LRP10: variants seen among roughly 807,000 people sequenced by gnomAD.
LRP10 encodes low-density lipoprotein receptor-related protein 10.
A neutral mutation model predicts 58.5 loss-of-function variants in LRP10; 42 were observed. That is an observed-to-expected ratio of 0.72 (90% confidence interval 0.56 to 0.93). The LOEUF is 0.93. Ranked by LOEUF, LRP10 falls within the 40% of genes least tolerant of loss-of-function variation. The probability of loss-of-function intolerance (pLI) is 0.00; values close to 1 mark genes in which losing one functional copy is unlikely to be tolerated. For synonymous variants in LRP10, 377 were observed against 388.5 expected (o/e 0.97, Z 0.35); for missense variants, 872 against 940.1 (o/e 0.93, Z 0.95).
At position 22,877,834 on chromosome 14, in the gene LRP10, G is replaced by T. The variant is rs1443825022; in HGVS notation, c.*307G>T. ...TTTTTAAAAAGTAAAGTTCTTAGAG[G>T]ATCATAGGTCTGGACACTCCATCCT... is the stretch of plus-strand genomic sequence containing the variant. On this transcript the variant is annotated 3_prime_UTR_variant, in exon 7 of 7. Coordinates refer to ENST00000359591, the MANE Select transcript of LRP10 (RefSeq NM_014045.5). The surrounding 1 kb of genome is among the most constrained non-coding windows in gnomAD (Gnocchi z 5.1). The T allele has an allele frequency of 7.6e-6, 2 of 264,648 alleles. No individual in the cohort carries two copies. Among genetic ancestry groups the T allele is most frequent in the East Asian group, 1.5e-4 (2 of 13,554 alleles). 16.4% of individuals were successfully genotyped at this position (264,648 alleles called of 1,614,324 possible).
chr14:22,875,060 A>G lies in LRP10; in HGVS notation c.221A>G (p.Gln74Arg), dbSNP rs781765643. 1.9e-6 allele frequency: 3 copies of G among 1,566,500 alleles called. No homozygotes were observed. The highest frequency in any genetic ancestry group is 2.6e-6 in the Non-Finnish European group (3 of 1,154,976). Residue 74 changes from glutamine to arginine, a missense_variant, in exon 4 of 7, where the codon CAG (glutamine) becomes CGG (arginine). By Grantham distance (43) the Gln-to-Arg change is conservative. Coordinates refer to ENST00000359591, the MANE Select transcript of LRP10 (RefSeq NM_014045.5). ...SKEQTVTIRF[Q>R]KLHLACGSER... is the part of the protein sequence containing the mutation. ...GCTCTCCTCTACTCCCATAGGTTCCAGAAGCTACACCTGGCCTGTGGCTCA... is the reference window on the plus strand; with the variant it reads ...GCTCTCCTCTACTCCCATAGGTTCCGGAAGCTACACCTGGCCTGTGGCTCA...
chr14:22,872,882 T>G, intron 2 of LRP10, 100 bp downstream of exon 2: 6 of 1,224,810 alleles, frequency 4.9e-6, no homozygotes, highest in Non-Finnish European at 7.1e-6. Context: ...TACCAAAGTT[T>G]TAGAGGGGAG....
Position 22,880,237 on chromosome 14 carries a change from T to C in LRP10, c.*2710T>C, listed in dbSNP as rs2040048202. 6.6e-6 allele frequency: 1 copy of C among 152,020 alleles called. No individual in the cohort carries two copies. Among genetic ancestry groups the C allele is most frequent in the Admixed American group, 6.6e-5 (1 of 15,262 alleles). The allele number at this position is 152,020 out of a possible 1,614,324, so 9.4% of individuals were successfully genotyped here. On this transcript the variant is annotated 3_prime_UTR_variant, in exon 7 of 7. Coordinates refer to ENST00000359591, the MANE Select transcript of LRP10 (RefSeq NM_014045.5). ...TAAAATACAAAAAAGTAGCCAGGTG[T>C]GGCGGCATGCACCTGTAGTCCCAGC...
At chr14:22,872,619 C>T (rs1015140025) in intron 1 of LRP10, 119 bp from the exon 2 acceptor site, 6 of 968,546 alleles carry the variant, frequency 6.2e-6, no homozygotes, top group South Asian at 3.0e-5. Flanking sequence ...TCCCGCCCCC[C>T]ACTCCCTCTT....
Position 22,873,444 on chromosome 14 carries a change from C to T in LRP10, c.213C>T (p.Ile71=). 1 of 1,614,058 alleles carries T rather than the reference C, an allele frequency of 6.2e-7. No homozygotes were observed. Among genetic ancestry groups the T allele is most frequent in the African/African-American group, 1.3e-5 (1 of 75,032 alleles). ...ILGSKEQTVT[I]RFQKLHLACG... ...GCAGCAAGGAACAGACTGTCACCAT[C>T]AGGTGAGAAGCAGAACAAGAGCAAG... Residue 71 remains isoleucine, a splice_region_variant and synonymous_variant, in exon 3 of 7, where the codon ATC becomes ATT. Transcript: ENST00000359591.
rs756318604 is a variant in LRP10, at chr14:22,875,344, T to C, written c.407-11T>C. On this transcript the variant is annotated splice_polypyrimidine_tract_variant and intron_variant, in intron 4 of 6. Transcript: ENST00000359591. ...GGTGCTTCACAGCCCCTCTCCATGG[T>C]GCCTCTGCAGATTGGCTGATGTGCC... 4 of 1,607,322 alleles carry C rather than the reference T, an allele frequency of 2.5e-6. No individual in the cohort carries two copies. Among genetic ancestry groups the C allele is most frequent in the Non-Finnish European group, 2.6e-6 (3 of 1,175,466 alleles).
At position 22,876,102 on chromosome 14, in the gene LRP10, C is replaced by A. The variant is rs1324950552; in HGVS notation, c.1154C>A (p.Thr385Asn). Reference protein sequence around the residue: ...YLPADRCNYQTFCADGADERR... With the variant: ...YLPADRCNYQNFCADGADERR... ...CCTGCTGACCGCTGCAACTACCAGA[C>A]TTTCTGTGCTGATGGAGCAGATGAG... is the stretch of plus-strand genomic sequence containing the variant. Residue 385 changes from threonine (T) to asparagine (N), a missense_variant, in exon 5 of 7, where the codon ACT (threonine) becomes AAT (asparagine). Coordinates refer to ENST00000359591, the MANE Select transcript of LRP10 (RefSeq NM_014045.5). 17 of 1,614,158 alleles carry A rather than the reference C, an allele frequency of 1.1e-5. No individual in the cohort carries two copies. The highest frequency in any genetic ancestry group is 1.3e-5 in the Non-Finnish European group (15 of 1,180,046).
intron 6 of LRP10, 58 bp downstream of exon 6, chr14:22,876,876 C>T: frequency 6.3e-7 from 1 of 1,595,868 alleles, no homozygotes; most frequent in African/African-American, 1.3e-5. Flanking sequence ...GTGGCCCCGC[C>T]CCTGTACCCT....
intron 2 of LRP10, 65 bp downstream of exon 2, chr14:22,872,847 T>C: frequency 6.5e-7 from 1 of 1,528,910 alleles, no homozygotes; most frequent in Non-Finnish European, 9.1e-7. Context: ...AGAAGGACTC[T>C]CTGTTCCCTG....
chr14:22,872,925 T>C (rs2039971205), intron 2 of LRP10, 143 bp downstream of exon 2: 1 of 797,870 alleles, frequency 1.3e-6, no homozygotes, highest in African/African-American at 1.7e-5. Context: ...ATAAGGAAGC[T>C]GAGGCTCGGT....
At position 22,876,951 on chromosome 14, in the gene LRP10, G is replaced by C. The variant is rs774939507; in HGVS notation, c.1566G>C (p.Leu522=). The C allele has an allele frequency of 1.3e-6, 2 of 1,586,566 alleles. No homozygotes were observed. The highest frequency in any genetic ancestry group is 1.7e-6 in the Non-Finnish European group (2 of 1,164,262). ...PTENPNDNSV[L]GNLRSLLQIL... The stretch of plus-strand genomic sequence containing the variant: ...TCATTTCCTTGCAGAACTCAGTGCT[G>C]GGCAACCTGCGTTCTCTGCTACAGA... Residue 522 remains leucine (L), a synonymous_variant, in exon 7 of 7, where the codon CTG becomes CTC. Transcript: ENST00000359591.
At position 22,881,472 on chromosome 14, in the gene LRP10, C is replaced by T. The variant is rs1158192274; in HGVS notation, c.*3945C>T. Reference sequence around the variant, plus strand: ...ATTCACAGAAACCAATGGCTTTTCTCCAGCAGTGTCTTCTGAAGTTGTAAC... The same window carrying T: ...ATTCACAGAAACCAATGGCTTTTCTTCAGCAGTGTCTTCTGAAGTTGTAAC... On this transcript the variant is annotated 3_prime_UTR_variant, in exon 7 of 7. Transcript: ENST00000359591. 1 of 152,230 alleles carries T rather than the reference C, an allele frequency of 6.6e-6. No homozygotes were observed. The highest frequency in any genetic ancestry group is 2.4e-5 in the African/African-American group (1 of 41,462). The allele number at this position is 152,230 out of a possible 1,614,324, so 9.4% of individuals were successfully genotyped here.
Position 22,877,532 on chromosome 14 carries a change from ACCTGGGGGCTCTACTGAGGCCTCTCC to A in LRP10, c.*21_*46del, listed in dbSNP as rs551804669. On this transcript the variant is annotated 3_prime_UTR_variant, in exon 7 of 7. Transcript: ENST00000359591. This position sits in a 1 kb window ranked among gnomAD's most constrained non-coding sequence, Gnocchi z 5.1. ...GATGAGCCACTGCTTACCTGAGGGG[ACCTGGGGGCTCTACTGAGGCCTCTCC>A]CCTGGGGGCTCTACTCATAGTGGCA... 2.9e-3 allele frequency: 4,584 copies of A among 1,582,310 alleles called. 12 individuals carry two copies. The highest frequency in any genetic ancestry group is 3.7e-3 in the Non-Finnish European group (4,293 of 1,163,774).
intron 3 of LRP10, 38 bp from the exon 4 acceptor site, chr14:22,875,017 A>T: frequency 7.1e-7 from 1 of 1,417,040 alleles, no homozygotes; most frequent in South Asian, 1.8e-5. Flanking sequence ...AGCAGCAGTC[A>T]AGAGTATCTC....
In LRP10 at chr14:22,875,924, G is replaced by A. The variant is rs138170865; in HGVS notation, c.976G>A (p.Gly326Ser). The A allele has an allele frequency of 1.0e-3, 1,677 of 1,613,604 alleles. 5 individuals are homozygous for A. The highest frequency in any genetic ancestry group is 8.7e-4 in the Non-Finnish European group (1,030 of 1,179,806). Residue 326 changes from glycine to serine, a missense_variant, in exon 5 of 7, where the codon GGC becomes AGC. Coordinates refer to ENST00000359591, the MANE Select transcript of LRP10 (RefSeq NM_014045.5). ...GLGSGLGAGE[G>S]LGERCYSEAQ... ...AGGCTCTGGCCTGGGAGCTGGCGAA[G>A]GCCTAGGTGAGCGCTGCTACAGTGA... is the stretch of plus-strand genomic sequence containing the variant.
At position 22,875,993 on chromosome 14, in the gene LRP10, G is replaced by A; in HGVS notation, c.1045G>A (p.Asp349Asn). The A allele has an allele frequency of 6.2e-7, 1 of 1,613,374 alleles. No individual in the cohort carries two copies. Among genetic ancestry groups the A allele is most frequent in the Non-Finnish European group, 8.5e-7 (1 of 1,180,022 alleles). The change falls in exon 5 of 7, where the codon GAT becomes AAT. Residue 349 changes from aspartate (D) to asparagine (N), a missense_variant. By Grantham distance (23) the Asp-to-Asn change is conservative (BLOSUM62 1). Transcript: ENST00000359591. ...DGSWDCADGTDEEDCPGCPPG... is the reference protein window; with the variant it reads ...DGSWDCADGTNEEDCPGCPPG... The stretch of plus-strand genomic sequence containing the variant: ...CTCATGGGACTGTGCTGACGGCACA[G>A]ATGAGGAGGACTGCCCAGGCTGCCC...
rs1246059930 is a variant in LRP10, at chr14:22,881,203, T to C, written c.*3676T>C. ...CATGGCTTCGTTCCAAATCTCACCC[T>C]TGTCCCACCATTCCATGGGACCTCC... On this transcript the variant is annotated 3_prime_UTR_variant, in exon 7 of 7. Coordinates refer to ENST00000359591, the MANE Select transcript of LRP10 (RefSeq NM_014045.5). 6.6e-6 allele frequency: 1 copy of C among 152,174 alleles called. No individual in the cohort carries two copies. Among genetic ancestry groups the C allele is most frequent in the Non-Finnish European group, 1.5e-5 (1 of 68,038 alleles). The allele number at this position is 152,174 out of a possible 1,614,324, so 9.4% of individuals were successfully genotyped here. A position where few individuals can be genotyped will look rare whatever the true frequency, so the allele number is the denominator to read the frequency against.
chr14:22,872,453 G>GCCACCC, intron 1 of LRP10, 116 bp downstream of exon 1: 1 of 1,101,122 alleles, frequency 9.1e-7, no homozygotes, highest in Non-Finnish European at 1.3e-6. Flanking sequence ...AGCCCCTGCC[G>GCCACCC]CCAGCCCCAG....
intron 5 of LRP10, 36 bp downstream of exon 5, chr14:22,876,408 C>A (rs2040007088): frequency 4.4e-6 from 7 of 1,603,824 alleles, no homozygotes; most frequent in South Asian, 3.3e-5. Flanking sequence ...GAAGAGTAGA[C>A]CCTGAGGGTG....
Sources: gnomAD v4.1 joint callset for allele counts on GRCh38, gnomAD v4.1.1 for gene constraint, Gnocchi (gnomAD v3.1) non-coding constraint, MANE v1.5 for transcripts, NCBI Gene and HGNC (gene_info 2026-07-23, HGNC 2026-07-21) for gene names.